The following ANGPTL6 variants were observed in gnomAD, a reference collection of about 807,000 sequenced individuals.
The protein encoded by ANGPTL6 is angiopoietin like 6, also known as angiopoietin-related protein 6.
In ANGPTL6, 45 loss-of-function variants were observed where a neutral mutation model predicts 47.4. The observed-to-expected ratio is 0.95, with a 90% confidence interval of 0.75 to 1.22. The LOEUF is 1.22. Ranked by LOEUF, ANGPTL6 falls within the 50% of genes most tolerant of loss-of-function variation. The pLI, the probability that ANGPTL6 is intolerant of heterozygous loss-of-function variation, is 0.00. For synonymous variants in ANGPTL6, 290 were observed against 295.9 expected, an observed-to-expected ratio of 0.98 and a Z score of 0.20; for missense variants, 698 against 669.4, an observed-to-expected ratio of 1.04 and a Z score of -0.47.
intron 2 of ANGPTL6, among the ~76,000 whole-genome samples, chr19:10,095,182 C>A (rs1053291128): frequency 1.3e-5 from 2 of 152,212 alleles, no homozygotes; most frequent in African/African-American, 4.8e-5. Context: ...CCGAGGCGGG[C>A]GGATCACCTG....
At chr19:10,099,593 A>G (rs1282050390) in intron 1 of ANGPTL6, among the ~76,000 whole-genome samples, 2 of 151,036 alleles carry the variant, frequency 1.3e-5, no homozygotes, top group African/African-American at 4.9e-5. Context: ...AAAAAAAAAA[A>G]AAAAAAAACT....
At chr19:10,103,828 C>T (rs192286971), upstream of ANGPTL6, among the ~76,000 whole-genome samples, 101 of 151,050 alleles carry the variant, frequency 6.7e-4, 2 homozygotes, top group East Asian at 9.7e-3. Context: ...GGCGCGGTGG[C>T]TCACGCCTGT....
rs1442411288 is a variant in ANGPTL6 at position 10,096,347 on chromosome 19, C to T, written c.217G>A (p.Glu73Lys). 7.0e-6 allele frequency: 9 copies of T among 1,286,470 alleles called. No individual in the cohort carries two copies. 79.7% of individuals were successfully genotyped at this position (1,286,470 alleles called of 1,614,324 possible). ...AALRMRVGRH[E>K]ELLRELQRLA... ...CTCTGCAGCTCGCGTAACAGCTCCT[C>T]GTGGCGGCCGACGCGCATGCGCAGC... Residue 73 changes from glutamate (E) to lysine (K), a missense_variant, in exon 2 of 6, where the codon GAG becomes AAG. Glu to Lys is a moderately conservative substitution (Grantham distance 56). Transcript: ENST00000253109.
At chr19:10,105,109 C>G (rs987267154), upstream of ANGPTL6, among the ~76,000 whole-genome samples, 1 of 152,222 alleles carries the variant, frequency 6.6e-6, no homozygotes, top group Non-Finnish European at 1.5e-5. Context: ...ACCTCCTTCC[C>G]CTGGTCTGCA....
intron 3 of ANGPTL6, 36 bp from the exon 4 acceptor site, chr19:10,093,916 G>T: frequency 1.3e-6 from 2 of 1,596,290 alleles, no homozygotes; most frequent in Non-Finnish European, 1.7e-6. Flanking sequence ...GCACAGCCTG[G>T]GCTGACCAAT....
chr19:10,101,913 G>A (rs1222831332), intron 1 of ANGPTL6, among the ~76,000 whole-genome samples: 3 of 148,188 alleles, frequency 2.0e-5, no homozygotes, highest in Non-Finnish European at 3.0e-5. Context: ...AGACCATCCT[G>A]GCTAACACAG....
chr19:10,104,317 G>GTGTGT (rs60395358), upstream of ANGPTL6, among the ~76,000 whole-genome samples: 5,635 of 117,970 alleles, frequency 0.048, 193 homozygotes, highest in African/African-American at 0.11. Flanking sequence ...TTGTGTGTGT[G>GTGTGT]GTGTGTGTGT....
Position 10,096,065 on chromosome 19 carries a change from G to C in ANGPTL6, c.499C>G (p.Leu167Val), listed in dbSNP as rs909314310. 5 of 1,481,288 alleles carry C rather than the reference G, an allele frequency of 3.4e-6. No homozygotes were observed. Among genetic ancestry groups the C allele is most frequent in the African/African-American group, 1.4e-5 (1 of 69,060 alleles). 91.8% of individuals were successfully genotyped at this position (1,481,288 alleles called of 1,614,324 possible). The change falls in exon 2 of 6, where the codon CTG becomes GTG. Residue 167 changes from leucine to valine, a missense_variant. Leu to Val is a conservative substitution (Grantham distance 32, BLOSUM62 1). Transcript: ENST00000253109. ...CTCTGCTGGGTGACGAGCTGCGCCA[G>C]CTCGCGGAACTTGACGTCCAGCTGG... ...FHQLDVKFRE[L>V]AQLVTQQSSL...
chr19:10,094,978 C>T (rs758924122), intron 2 of ANGPTL6, 40 bp from the exon 3 acceptor site: 2 of 1,550,446 alleles, frequency 1.3e-6, no homozygotes, highest in Non-Finnish European at 1.7e-6. Context: ...TGCACTAACC[C>T]TCAGGCCAGG....
intron 1 of ANGPTL6, among the ~76,000 whole-genome samples, chr19:10,101,885 C>T (rs183280134): frequency 0.014 from 2,044 of 144,274 alleles, 48 homozygotes; most frequent in South Asian, 0.027. Context: ...GCAGGTGGAT[C>T]ACGGGGTCAG....
rs1463750079 is a variant in ANGPTL6, at chr19:10,094,802, GA to G, written c.718del (p.Ser240LeufsTer43). On this transcript the variant is annotated frameshift_variant, in exon 3 of 6. Transcript: ENST00000253109. LOFTEE classifies it high-confidence loss of function. The stretch of plus-strand genomic sequence containing the variant: ...CGCAGGGTGACCTGCAGGCATGGGA[GA>G]AGCCATGGGCTCCTGCTGTCTCTGG... ...QTQRQQEPMASPMPAGHPAVP... is the reference protein window; with the variant it reads ...QTQRQQEPMAXPMPAGHPAVP... The G allele has an allele frequency of 6.2e-7, 1 of 1,614,218 alleles. No individual in the cohort carries two copies. The highest frequency in any genetic ancestry group is 1.7e-5 in the Admixed American group (1 of 60,028).
At chr19:10,101,545 C>T (rs1207079800) in intron 1 of ANGPTL6, among the ~76,000 whole-genome samples, 2 of 149,624 alleles carry the variant, frequency 1.3e-5, no homozygotes, top group Non-Finnish European at 1.5e-5. Context: ...CGGTGGCTCA[C>T]GCCTGTAATC....
intron 1 of ANGPTL6, 140 bp from the exon 2 acceptor site, chr19:10,096,713 G>T: frequency 1.6e-6 from 1 of 636,322 alleles, no homozygotes; most frequent in South Asian, 2.2e-5. Context: ...TCCCCCCACG[G>T]CTGGAGGGCC....
Position 10,093,517 on chromosome 19 carries a change from A to T in ANGPTL6, c.1054T>A (p.Trp352Arg). ...TGGGCACGTGCTCCACGGCCCCCCC[A>T]GTCCTCCAGGAGAACCAGCAGCTCA... ...DHELLVLLED[W>R]GGRGARAHYD... The change falls in exon 5 of 6, where the codon TGG (tryptophan) becomes AGG (arginine). Residue 352 changes from tryptophan (W) to arginine (R), a missense_variant. By Grantham distance (101) the Trp-to-Arg change is moderately radical. Coordinates refer to ENST00000253109, the MANE Select transcript of ANGPTL6 (RefSeq NM_031917.3). 1 of 1,614,152 alleles carries T rather than the reference A, an allele frequency of 6.2e-7. No homozygotes were observed. Among genetic ancestry groups the T allele is most frequent in the Non-Finnish European group, 8.5e-7 (1 of 1,180,020 alleles).
Position 10,102,626 on chromosome 19 carries a change from G to A in ANGPTL6, c.-69C>T. On this transcript the variant is annotated 5_prime_UTR_variant, in exon 1 of 6. Coordinates refer to ENST00000253109, the MANE Select transcript of ANGPTL6 (RefSeq NM_031917.3). ...TCACAGAACACACAAGAAGTCCAAG[G>A]AAGAGCCGAGGGTCCAGTGGGGCCT... The A allele has an allele frequency of 1.0e-6, 1 of 984,664 alleles. No individual in the cohort carries two copies. Among genetic ancestry groups the A allele is most frequent in the South Asian group, 4.7e-5 (1 of 21,292 alleles). The allele number at this position is 984,664 out of a possible 1,614,324, so 61.0% of individuals were successfully genotyped here.
intron 3 of ANGPTL6, 100 bp downstream of exon 3, chr19:10,094,658 A>G (rs1239869175): frequency 4.2e-6 from 6 of 1,419,502 alleles, no homozygotes; most frequent in African/African-American, 1.4e-5. Context: ...TAGGAGTATC[A>G]TTTCTTCTGG....
rs1045414937 is a variant in ANGPTL6, at chr19:10,096,474, G to A, written c.90C>T (p.Thr30=). ...ARAGAPRCTY[T]FVLPPQKFTG... is the part of the protein sequence containing the mutation. ...TGAACTTCTGCGGGGGCAGCACGAA[G>A]GTGTAGGTGCAGCGCGGGGCGCCCG... The change falls in exon 2 of 6, where the codon ACC becomes ACT. Residue 30 remains threonine, a synonymous_variant. Transcript: ENST00000253109. 2.0e-6 allele frequency: 3 copies of A among 1,500,592 alleles called. No individual in the cohort carries two copies. The highest frequency in any genetic ancestry group is 2.2e-5 in the Admixed American group (1 of 45,992). 93.0% of individuals were successfully genotyped at this position (1,500,592 alleles called of 1,614,324 possible).
intron 1 of ANGPTL6, among the ~76,000 whole-genome samples, chr19:10,097,483 C>T (rs2088576313): frequency 6.6e-6 from 1 of 152,028 alleles, no homozygotes; most frequent in Non-Finnish European, 1.5e-5. Flanking sequence ...AAAAATCCCT[C>T]CCCTAGTGGG....
In ANGPTL6 at chr19:10,092,550, C is replaced by A. The variant is rs202024755; in HGVS notation, c.*39G>T. The stretch of plus-strand genomic sequence containing the variant: ...CAGAACAACTTGGGCTCCTGCTGAC[C>A]AATGTCCTCTAGGGCCTAGGGGACA... On this transcript the variant is annotated 3_prime_UTR_variant, in exon 6 of 6. Coordinates refer to ENST00000253109, the MANE Select transcript of ANGPTL6 (RefSeq NM_031917.3). 17 of 1,562,872 alleles carry A rather than the reference C, an allele frequency of 1.1e-5. No homozygotes were observed. The East Asian group carries it at 3.6e-4, about 33-fold the overall frequency.
Sources: gnomAD v4.1 joint callset for allele counts (sites outside exome capture counted in the v4.1 genomes callset) on GRCh38, gnomAD v4.1.1 for gene constraint, MANE v1.5 for transcripts, NCBI Gene and HGNC (gene_info 2026-07-23, HGNC 2026-07-21) for gene names.